Variants in SCD observed in about 807,000 individuals in gnomAD.
SCD encodes acyl-CoA desaturase.
Under a neutral mutation model 35.7 loss-of-function variants are expected in SCD, and 4 were observed. That is an observed-to-expected ratio of 0.11 (90% CI 0.06 to 0.26). The LOEUF (loss-of-function observed/expected upper bound fraction) is 0.26. SCD is among the 10% of genes least tolerant of loss of function. The pLI is 1.00. For missense variants in SCD, 282 were observed against 460.7 expected (o/e 0.61, Z 3.55); for synonymous variants, 150 against 170.2 (o/e 0.88, Z 0.92).
rs1203590002 is a variant in SCD, at chr10:100,360,720, C to T, written c.881-14C>T. The T allele has an allele frequency of 5.6e-6, 9 of 1,612,966 alleles. No homozygotes were observed. Among genetic ancestry groups the T allele is most frequent in the Non-Finnish European group, 7.6e-6 (9 of 1,179,252 alleles). ...AATGCACCGTCACTCCATAACTTCTCGCTTTTGTTTCAGGTGAGGGCTTCC... is the reference window on the plus strand; with the variant it reads ...AATGCACCGTCACTCCATAACTTCTTGCTTTTGTTTCAGGTGAGGGCTTCC... On this transcript the variant is annotated splice_polypyrimidine_tract_variant and intron_variant, in intron 5 of 5. Coordinates refer to ENST00000370355, the MANE Select transcript of SCD (RefSeq NM_005063.5).
chr10:100,361,054 T>C lies in SCD; in HGVS notation c.*121T>C. On this transcript the variant is annotated 3_prime_UTR_variant, in exon 6 of 6. Transcript: ENST00000370355. ...AGATGATGATGTTAACCCATTCCAG[T>C]ACAGTATTCTTTTAAAATTCAAAAG... 3.7e-6 allele frequency: 3 copies of C among 804,990 alleles called. No homozygotes were observed. Among genetic ancestry groups the C allele is most frequent in the Non-Finnish European group, 5.8e-6 (3 of 518,662 alleles). The allele number at this position is 804,990 out of a possible 1,614,324, so 49.9% of individuals were successfully genotyped here. A position where few individuals can be genotyped will look rare whatever the true frequency, so the allele number is the denominator to read the frequency against.
At chr10:100,357,302 G>T (rs746349788) in intron 5 of SCD, among the ~76,000 whole-genome samples, 4 of 152,214 alleles carry the variant, frequency 2.6e-5, no homozygotes, top group Non-Finnish European at 5.9e-5. Context: ...CATCTGAGTG[G>T]CCAGTAAGCC....
chr10:100,348,104 C>T lies in SCD; in HGVS notation c.68C>T (p.Pro23Leu). The change falls in exon 2 of 6, where the codon CCT becomes CTT. Residue 23 changes from proline to leucine, a missense_variant. By Grantham distance (98) the Pro-to-Leu change is moderately conservative. Around this residue, in one of 2 missense-constraint regions of SCD, gnomAD observed 77 missense variants for 88.4 expected, o/e 0.87. Transcript: ENST00000370355. ...ACCACCACCACCACCATTACAGCGC[C>T]TCCCTCCAGGGTCCTGCAGAATGGA... ...SYTTTTTITA[P>L]PSRVLQNGGD... 6.2e-7 allele frequency: 1 copy of T among 1,613,848 alleles called. No homozygotes were observed. Among genetic ancestry groups the T allele is most frequent in the Non-Finnish European group, 8.5e-7 (1 of 1,179,842 alleles).
intron 2 of SCD, among the ~76,000 whole-genome samples, chr10:100,351,331 T>C (rs1849870398): frequency 7.9e-6 from 1 of 127,274 alleles, no homozygotes; most frequent in South Asian, 2.8e-4. Context: ...TATCCCACCA[T>C]TGTCTAGAGA....
rs1485227364 is a variant in SCD, at chr10:100,364,230, C to T, written c.*3297C>T. ...CTCTGTAAGTGTAGCTCAAATAGGT[C>T]ATCATGAAAGGTTAAAAAAGCGAGG... On this transcript the variant is annotated 3_prime_UTR_variant, in exon 6 of 6. Coordinates refer to ENST00000370355, the MANE Select transcript of SCD (RefSeq NM_005063.5). 29 of 150,668 alleles carry T rather than the reference C, an allele frequency of 1.9e-4. No homozygotes were observed. In the Admixed American group the frequency reaches 1.9e-3, roughly 10 times the overall value. The allele number at this position is 150,668 out of a possible 1,614,324, so 9.3% of individuals were successfully genotyped here.
chr10:100,353,598 A>G (rs1258117607), intron 3 of SCD, among the ~76,000 whole-genome samples: 1 of 151,946 alleles, frequency 6.6e-6, no homozygotes, highest in Non-Finnish European at 1.5e-5. Flanking sequence ...AAAAAAAAAA[A>G]AAGTTTATAG....
At chr10:100,359,197 T>C (rs10883463) in intron 5 of SCD, among the ~76,000 whole-genome samples, 10,940 of 152,208 alleles carry the variant, frequency 0.072, 440 homozygotes, top group South Asian at 0.13. Context: ...GACCTGTTGT[T>C]GTTATCATTC....
intron 2 of SCD, among the ~76,000 whole-genome samples, chr10:100,350,796 C>T (rs1025068884): frequency 4.6e-5 from 7 of 152,242 alleles, no homozygotes; most frequent in African/African-American, 1.2e-4. Flanking sequence ...GATGGTTTCC[C>T]GAGTAAGATG....
intron 3 of SCD, 83 bp from the exon 4 acceptor site, chr10:100,354,344 G>C: frequency 8.0e-7 from 1 of 1,251,044 alleles, no homozygotes; most frequent in Non-Finnish European, 1.2e-6. Context: ...TGAGCGCCTT[G>C]GGCTCTTGAT....
At chr10:100,349,736 G>C (rs1849851678) in intron 2 of SCD, among the ~76,000 whole-genome samples, 1 of 152,166 alleles carries the variant, frequency 6.6e-6, no homozygotes. Context: ...GTGCAGATCA[G>C]TTCATCTGCA....
At chr10:100,351,223 T>A (rs1277417554) in intron 2 of SCD, among the ~76,000 whole-genome samples, 2 of 152,180 alleles carry the variant, frequency 1.3e-5, no homozygotes, top group African/African-American at 4.8e-5. Context: ...GCAGCCCACT[T>A]CCCAGTTAGA....
chr10:100,362,249 CTGAG>C lies in SCD; in HGVS notation c.*1322_*1325del, dbSNP rs1406924137. The C allele has an allele frequency of 2.0e-5, 3 of 152,150 alleles. No homozygotes were observed. The highest frequency in any genetic ancestry group is 7.2e-5 in the African/African-American group (3 of 41,430). 9.4% of individuals were successfully genotyped at this position (152,150 alleles called of 1,614,324 possible). A position where few individuals can be genotyped will look rare whatever the true frequency, so the allele number is the denominator to read the frequency against. On this transcript the variant is annotated 3_prime_UTR_variant, in exon 6 of 6. Coordinates refer to ENST00000370355, the MANE Select transcript of SCD (RefSeq NM_005063.5). ...CGTTGCCAGGGGCTTGAGAAGGTTA[CTGAG>C]TGAGTTATTGGGAGTCTTAATAAAA...
chr10:100,361,274 G>A lies in SCD; in HGVS notation c.*341G>A, dbSNP rs1849987470. ...CTTCCAAAGCCTAGACAACCTTTCT[G>A]TAGCCTAAAACGAATGGTCTTTGCT... On this transcript the variant is annotated 3_prime_UTR_variant, in exon 6 of 6. Coordinates refer to ENST00000370355, the MANE Select transcript of SCD (RefSeq NM_005063.5). The A allele has an allele frequency of 3.5e-6, 1 of 287,164 alleles. No homozygotes were observed. Among genetic ancestry groups the A allele is most frequent in the Admixed American group, 5.0e-5 (1 of 20,118 alleles). 17.8% of individuals were successfully genotyped at this position (287,164 alleles called of 1,614,324 possible).
Position 100,352,008 on chromosome 10 carries a change from C to T in SCD, c.311-358C>T, listed in dbSNP as rs1017964908. ...TGAGCTCTGCAGGAGTAGTTTGTGG[C>T]CCTTAAAACCTTAGAGAAGGCCTAG... On this transcript the variant is annotated intron_variant, in intron 2 of 5. Coordinates refer to ENST00000370355, the MANE Select transcript of SCD (RefSeq NM_005063.5). The surrounding 1 kb of genome is among the most constrained non-coding windows in gnomAD (Gnocchi z 4.2). Among the ~76,000 whole-genome samples, 3 of 152,024 alleles carry T rather than the reference C, an allele frequency of 2.0e-5. No individual in the cohort carries two copies. Among genetic ancestry groups the T allele is most frequent in the African/African-American group, 7.2e-5 (3 of 41,390 alleles).
chr10:100,357,315 G>T (rs1289527847), intron 5 of SCD, among the ~76,000 whole-genome samples: 1 of 152,194 alleles, frequency 6.6e-6, no homozygotes, highest in African/African-American at 2.4e-5. Context: ...AGTAAGCCTG[G>T]TGTTTTATGA....
intron 4 of SCD, among the ~76,000 whole-genome samples, chr10:100,355,571 G>A (rs1394520350): frequency 6.6e-6 from 1 of 152,168 alleles, no homozygotes; most frequent in Non-Finnish European, 1.5e-5. Context: ...GCATAGTTAC[G>A]GACGTGCTTT....
In SCD at chr10:100,364,402, A is replaced by G. The variant is rs201907090; in HGVS notation, c.*3469A>G. 10 of 152,750 alleles carry G rather than the reference A, an allele frequency of 6.5e-5. No homozygotes were observed. In the South Asian group the frequency reaches 1.9e-3, roughly 28 times the overall value. The allele number at this position is 152,750 out of a possible 1,614,324, so 9.5% of individuals were successfully genotyped here. On this transcript the variant is annotated 3_prime_UTR_variant, in exon 6 of 6. Transcript: ENST00000370355. ...GGGGATAATAATACTGACCTACCTC[A>G]AAGGGCAGTTTTGAGGCATGACTAA...
At chr10:100,357,107 A>G (rs1415304779) in intron 5 of SCD, among the ~76,000 whole-genome samples, 1 of 152,178 alleles carries the variant, frequency 6.6e-6, no homozygotes, top group Admixed American at 6.5e-5. Flanking sequence ...TGAGGTCAGG[A>G]GTTTGAGACC....
rs201778518 is a variant in SCD at position 100,347,466 on chromosome 10, C to T, written c.-39C>T. The T allele has an allele frequency of 4.3e-6, 7 of 1,612,356 alleles. No homozygotes were observed. In the East Asian group the frequency reaches 8.9e-5, roughly 21 times the overall value. ...GACCCCGAACTCCGCTCCGGAGCCT[C>T]AGCCCCCTGGAAAGTGATCCCGGCA... On this transcript the variant is annotated 5_prime_UTR_variant, in exon 1 of 6. Transcript: ENST00000370355.
Sources: gnomAD v4.1 joint callset for allele counts (sites outside exome capture counted in the v4.1 genomes callset) on GRCh38, gnomAD v4.1.1 for gene constraint, gnomAD v4.1.1 regional missense constraint, Gnocchi (gnomAD v3.1) non-coding constraint, MANE v1.5 for transcripts, NCBI Gene and HGNC (gene_info 2026-07-23, HGNC 2026-07-21) for gene names.